Variants in RNF115 observed in about 807,000 individuals in gnomAD.
RNF115 encodes the protein E3 ubiquitin-protein ligase RNF115.
A neutral mutation model predicts 39.2 loss-of-function variants in RNF115; 31 were observed. The observed-to-expected ratio is 0.79, with a 90% CI of 0.59 to 1.07. RNF115 has a LOEUF of 1.07. Ranked by LOEUF, RNF115 falls within the 50% of genes least tolerant of loss-of-function variation. RNF115 has a pLI of 0.00. For missense variants in RNF115, 384 were observed against 381.7 expected (o/e 1.01, Z -0.05); for synonymous variants, 124 against 131.0 (o/e 0.95, Z 0.37).
chr1:145,753,048 T>C lies in RNF115; in HGVS notation c.430A>G (p.Ile144Val). 1 of 1,605,036 alleles carries C rather than the reference T, an allele frequency of 6.2e-7. No homozygotes were observed. Among genetic ancestry groups the C allele is most frequent in the Non-Finnish European group, 8.5e-7 (1 of 1,172,222 alleles). Residue 144 changes from isoleucine to valine, a missense_variant and splice_region_variant, in exon 5 of 9, where the codon ATA becomes GTA. Transcript: ENST00000582693. ...AATCCTGCAAAGATGTGTTGTAGTATTCTGTTACAGAAGAAAAAATTAGAT... is the reference window on the plus strand; with the variant it reads ...AATCCTGCAAAGATGTGTTGTAGTACTCTGTTACAGAAGAAAAAATTAGAT... ...RPDRSPAIEGILQHIFAGFFA... is the reference protein window; with the variant it reads ...RPDRSPAIEGVLQHIFAGFFA...
At chr1:145,751,620 A>T in intron 5 of RNF115, 110 bp from the exon 6 acceptor site, 1 of 619,262 alleles carries the variant, frequency 1.6e-6, no homozygotes, top group South Asian at 2.2e-5. Flanking sequence ...CTGGAAAGTC[A>T]CTAGTCCTCC....
In RNF115 at chr1:145,823,754, A is replaced by T; in HGVS notation, c.102+18T>A. ...GAATCTATGAGGTTCCCAAGTATAG[A>T]GAACACAGCGCTCTTACCGGTAGTT... On this transcript the variant is annotated intron_variant, in intron 1 of 8. Coordinates refer to ENST00000582693, the MANE Select transcript of RNF115 (RefSeq NM_014455.4). 1 of 1,533,866 alleles carries T rather than the reference A, an allele frequency of 6.5e-7. No individual in the cohort carries two copies. Among genetic ancestry groups the T allele is most frequent in the Non-Finnish European group, 8.8e-7 (1 of 1,132,954 alleles).
chr1:145,750,442 G>A lies in RNF115; in HGVS notation c.632C>T (p.Ser211Phe). The part of the protein sequence containing the change: ...PPPADKEKIT[S>F]LPTVTVTQEQ... ...CTGAGTTACTGTCACTGTTGGAAGA[G>A]ATGTGATCTTTTCCTTGTCAGCTGG... Residue 211 changes from serine (S) to phenylalanine (F), a missense_variant, in exon 7 of 9, where the codon TCT becomes TTT. Ser to Phe is a radical substitution (Grantham distance 155, BLOSUM62 -2). Coordinates refer to ENST00000582693, the MANE Select transcript of RNF115 (RefSeq NM_014455.4). 1.2e-6 allele frequency: 2 copies of A among 1,613,980 alleles called. No homozygotes were observed. The highest frequency in any genetic ancestry group is 1.7e-5 in the Admixed American group (1 of 60,014).
chr1:145,767,856 G>A (rs1272662831), intron 4 of RNF115, among the ~76,000 whole-genome samples: 2 of 152,234 alleles, frequency 1.3e-5, no homozygotes, highest in Non-Finnish European at 2.9e-5. Flanking sequence ...GCCCGCAATC[G>A]CAGGCACTCG....
At chr1:145,798,998 AT>A (rs1356453148) in intron 1 of RNF115, among the ~76,000 whole-genome samples, 6 of 150,972 alleles carry the variant, frequency 4.0e-5, no homozygotes, top group Admixed American at 3.3e-4. Context: ...TTGTGTGTTG[AT>A]TTTGTATCCT....
In RNF115 at chr1:145,823,936, TC is replaced by T; in HGVS notation, c.-64del. The T allele has an allele frequency of 8.2e-7, 1 of 1,217,658 alleles. No homozygotes were observed. Among genetic ancestry groups the T allele is most frequent in the Non-Finnish European group, 1.1e-6 (1 of 921,302 alleles). 75.4% of individuals were successfully genotyped at this position (1,217,658 alleles called of 1,614,324 possible). On this transcript the variant is annotated 5_prime_UTR_variant, in exon 1 of 9. Coordinates refer to ENST00000582693, the MANE Select transcript of RNF115 (RefSeq NM_014455.4). ...GCCCGTCCCTCGCCAGGCCGCTACC[TC>T]CCGAGCTGCAGTCGTCGCCGCCGCC...
At chr1:145,792,795 G>A (rs1373477624) in intron 1 of RNF115, among the ~76,000 whole-genome samples, 1 of 152,198 alleles carries the variant, frequency 6.6e-6, no homozygotes, top group African/African-American at 2.4e-5. Flanking sequence ...ATAGGGGCCA[G>A]AATGTAGGAA....
At chr1:145,772,882 T>TA (rs1361091274) in intron 3 of RNF115, 2 of 152,338 alleles carry the variant, frequency 1.3e-5, no homozygotes, top group Non-Finnish European at 2.9e-5. Context: ...TGGACTCTGT[T>TA]CATTTTTCTT....
chr1:145,814,288 A>C (rs1649878616), intron 1 of RNF115, among the ~76,000 whole-genome samples: 1 of 151,804 alleles, frequency 6.6e-6, no homozygotes, highest in Non-Finnish European at 1.5e-5. Flanking sequence ...TTGTCTACAG[A>C]CTTTGCCAAA....
In RNF115 at chr1:145,740,345, T is replaced by C. The variant is rs1657652448; in HGVS notation, c.*6521A>G. 1 of 152,244 alleles carries C rather than the reference T, an allele frequency of 6.6e-6. No homozygotes were observed. The highest frequency in any genetic ancestry group is 2.4e-5 in the African/African-American group (1 of 41,460). The allele number at this position is 152,244 out of a possible 1,614,324, so 9.4% of individuals were successfully genotyped here. A position where few individuals can be genotyped will look rare whatever the true frequency, so the allele number is the denominator to read the frequency against. The stretch of plus-strand genomic sequence containing the variant: ...TATGAAGACATTTAAGAGCATCAGA[T>C]TACTAGCTCTGACTCAAACTAAGCG... On this transcript the variant is annotated 3_prime_UTR_variant, in exon 9 of 9. Transcript: ENST00000582693.
At chr1:145,784,407 A>T in intron 3 of RNF115, 132 bp downstream of exon 3, 1 of 783,994 alleles carries the variant, frequency 1.3e-6, no homozygotes, top group African/African-American at 1.7e-5. Context: ...CCCAAGGGTT[A>T]CTACGGCCCA....
chr1:145,760,604 A>T (rs1252979985), intron 4 of RNF115, among the ~76,000 whole-genome samples: 1 of 152,102 alleles, frequency 6.6e-6, no homozygotes, highest in Non-Finnish European at 1.5e-5. Context: ...GCCATGTAAG[A>T]AGTGCCTTTC....
intron 1 of RNF115, among the ~76,000 whole-genome samples, chr1:145,794,643 A>G (rs1553719595): frequency 6.8e-6 from 1 of 147,774 alleles, no homozygotes; most frequent in Non-Finnish European, 1.5e-5. Flanking sequence ...TCCGGAATTT[A>G]TTCCTTCCCG....
chr1:145,762,935 A>G (rs1344464824), intron 4 of RNF115, among the ~76,000 whole-genome samples: 2 of 152,214 alleles, frequency 1.3e-5, no homozygotes, highest in Non-Finnish European at 2.9e-5. Flanking sequence ...GTTCTCACTT[A>G]TACATGGGAA....
At chr1:145,807,366 T>C (rs1649505636) in intron 1 of RNF115, among the ~76,000 whole-genome samples, 1 of 152,210 alleles carries the variant, frequency 6.6e-6, no homozygotes, top group Non-Finnish European at 1.5e-5. Context: ...AATCTGTCCA[T>C]CTAATACTGA....
intron 1 of RNF115, among the ~76,000 whole-genome samples, chr1:145,789,545 T>C (rs1442472227): frequency 4.1e-5 from 6 of 147,678 alleles, no homozygotes; most frequent in African/African-American, 1.3e-4. Flanking sequence ...ATTACAGGCA[T>C]GCGACAACAC....
chr1:145,743,710 G>A lies in RNF115; in HGVS notation c.*3156C>T, dbSNP rs1553711229. 6.6e-6 allele frequency: 1 copy of A among 151,778 alleles called. No individual in the cohort carries two copies. Among genetic ancestry groups the A allele is most frequent in the African/African-American group, 2.4e-5 (1 of 41,288 alleles). 9.4% of individuals were successfully genotyped at this position (151,778 alleles called of 1,614,324 possible). On this transcript the variant is annotated 3_prime_UTR_variant, in exon 9 of 9. Coordinates refer to ENST00000582693, the MANE Select transcript of RNF115 (RefSeq NM_014455.4). ...GCAGAAGAATCGCTGGAACCCAGGA[G>A]GTGGAGGTTGCAGTGAGCTGAGATT...
At position 145,788,927 on chromosome 1, in the gene RNF115, C is replaced by G; in HGVS notation, c.142G>C (p.Glu48Gln). 2 of 1,600,318 alleles carry G rather than the reference C, an allele frequency of 1.2e-6. No individual in the cohort carries two copies. Among genetic ancestry groups the G allele is most frequent in the Non-Finnish European group, 1.7e-6 (2 of 1,170,210 alleles). Residue 48 changes from glutamate (E) to glutamine (Q), a missense_variant, in exon 2 of 9, where the codon GAA (glutamate) becomes CAA (glutamine). By Grantham distance (29) the Glu-to-Gln change is conservative (BLOSUM62 2). Transcript: ENST00000582693. ...CAATACCTGGAATCATCTGTCACTT[C>G]TTCAATAAAGCCTGATTCACATCTG... ...CPRCESGFIE[E>Q]VTDDSSFLGG...
intron 1 of RNF115, among the ~76,000 whole-genome samples, chr1:145,817,932 TG>T (rs1559135156): frequency 7.9e-6 from 1 of 126,544 alleles, no homozygotes; most frequent in South Asian, 2.7e-4. Flanking sequence ...ATTTCGGTTT[TG>T]TTTTTTTTAA....
Sources: allele counts gnomAD v4.1 joint callset (sites outside exome capture counted in the v4.1 genomes callset), GRCh38; gene constraint gnomAD v4.1.1; transcripts MANE v1.5; gene names NCBI Gene and HGNC (gene_info 2026-07-23, HGNC 2026-07-21).